Variants in FANCC observed in about 807,000 individuals in gnomAD.
FANCC encodes the protein Fanconi anemia group C protein.
FANCC carries 55 observed loss-of-function variants against 71.3 expected under a neutral mutation model. The observed-to-expected ratio is 0.77, with a 90% CI of 0.62 to 0.97. FANCC has a LOEUF of 0.97. FANCC is among the 50% of genes least tolerant of loss of function. The probability of loss-of-function intolerance (pLI) is 0.00; values close to 1 mark genes in which losing one functional copy is unlikely to be tolerated. For missense variants in FANCC, 678 were observed against 670.9 expected, an observed-to-expected ratio of 1.01 and a Z score of -0.12; for synonymous variants, 275 against 244.9, an observed-to-expected ratio of 1.12 and a Z score of -1.15.
At chr9:95,219,670 A>C (rs916343889) in intron 4 of FANCC, among the ~76,000 whole-genome samples, 1 of 152,244 alleles carries the variant, frequency 6.6e-6, no homozygotes, top group Non-Finnish European at 1.5e-5. Context: ...CATATGTAGA[A>C]AGCTGAAACT....
intron 7 of FANCC, among the ~76,000 whole-genome samples, chr9:95,143,834 G>A (rs749005705): frequency 6.6e-6 from 1 of 152,122 alleles, no homozygotes. Flanking sequence ...TGCCTATGAC[G>A]GCAGCCCCAG....
intron 11 of FANCC, among the ~76,000 whole-genome samples, chr9:95,116,410 C>G (rs907961592): frequency 1.4e-4 from 21 of 152,148 alleles, no homozygotes; most frequent in African/African-American, 4.6e-4. Context: ...CCTACATCTT[C>G]TCGAAAAAGG....
intron 4 of FANCC, among the ~76,000 whole-genome samples, chr9:95,206,611 T>C (rs1273040562): frequency 6.6e-6 from 1 of 152,122 alleles, no homozygotes; most frequent in Admixed American, 6.5e-5. Context: ...AAAATAGATA[T>C]GCCACTCTAA....
chr9:95,101,863 C>T lies in FANCC; in HGVS notation c.1534-13G>A. 1 of 1,613,812 alleles carries T rather than the reference C, an allele frequency of 6.2e-7. No homozygotes were observed. The highest frequency in any genetic ancestry group is 1.3e-5 in the African/African-American group (1 of 75,060). Reference sequence around the variant, plus strand: ...CAGTGTGAGCCATCTGCAATCAGGACAGAAGAGAAGGCAAATTAAAACACT... The same window carrying T: ...CAGTGTGAGCCATCTGCAATCAGGATAGAAGAGAAGGCAAATTAAAACACT... On this transcript the variant is annotated splice_polypyrimidine_tract_variant and intron_variant, in intron 14 of 14. Transcript: ENST00000289081.
chr9:95,148,686 C>T (rs1476347203), intron 7 of FANCC, among the ~76,000 whole-genome samples: 1 of 152,110 alleles, frequency 6.6e-6, no homozygotes, highest in East Asian at 1.9e-4. Flanking sequence ...TGAAGATTTT[C>T]CAAATGAACC....
At chr9:95,103,428 A>G (rs1564636989) in intron 14 of FANCC, among the ~76,000 whole-genome samples, 1 of 152,180 alleles carries the variant, frequency 6.6e-6, no homozygotes, top group Non-Finnish European at 1.5e-5. Context: ...AATCTAGCTA[A>G]CTTTTGCTGT....
chr9:95,198,102 G>C (rs1319838080), intron 4 of FANCC, among the ~76,000 whole-genome samples: 1 of 152,142 alleles, frequency 6.6e-6, no homozygotes, highest in African/African-American at 2.4e-5. Context: ...AGGCCCCTAA[G>C]CCAGCACTCG....
chr9:95,307,965 C>G (rs1835160919), intron 1 of FANCC, among the ~76,000 whole-genome samples: 1 of 152,240 alleles, frequency 6.6e-6, no homozygotes, highest in South Asian at 2.1e-4. Flanking sequence ...AGGCATCACA[C>G]AGCGACAGAG....
At chr9:95,134,781 T>C (rs1323991656) in intron 8 of FANCC, among the ~76,000 whole-genome samples, 1 of 152,200 alleles carries the variant, frequency 6.6e-6, no homozygotes, top group Non-Finnish European at 1.5e-5. Flanking sequence ...GAGGTGGATG[T>C]CCACGTGGGC....
chr9:95,275,228 G>A (rs947123953), intron 1 of FANCC, among the ~76,000 whole-genome samples: 1 of 152,000 alleles, frequency 6.6e-6, no homozygotes, highest in African/African-American at 2.4e-5. Flanking sequence ...ATGTTGCAGT[G>A]AGCTATGATT....
At chr9:95,109,598 T>C (rs2071746563) in intron 13 of FANCC, 1 of 152,210 alleles carries the variant, frequency 6.6e-6, no homozygotes, top group South Asian at 2.1e-4. Flanking sequence ...GGCTTGCCCA[T>C]GAGTGGGACA....
chr9:95,148,527 G>A (rs544826175), intron 7 of FANCC, among the ~76,000 whole-genome samples: 12 of 152,292 alleles, frequency 7.9e-5, no homozygotes, highest in African/African-American at 2.9e-4. Context: ...TTAGAATCTT[G>A]GAAAATCTAT....
chr9:95,217,977 C>T (rs1334912739), intron 4 of FANCC, among the ~76,000 whole-genome samples: 2 of 152,098 alleles, frequency 1.3e-5, no homozygotes, highest in Non-Finnish European at 2.9e-5. Flanking sequence ...TATCAATAAA[C>T]TTGACAACAA....
chr9:95,179,819 T>C (rs899006912), intron 4 of FANCC, among the ~76,000 whole-genome samples: 2 of 152,150 alleles, frequency 1.3e-5, no homozygotes, highest in Non-Finnish European at 2.9e-5. Flanking sequence ...ACATGATGAG[T>C]AGTTGTTGAG....
chr9:95,316,367 C>T (rs909578814), intron 1 of FANCC, among the ~76,000 whole-genome samples: 4 of 152,144 alleles, frequency 2.6e-5, no homozygotes, highest in Admixed American at 2.6e-4. Flanking sequence ...TCCATCTAAG[C>T]TTAGGTAATG....
At chr9:95,203,378 C>A (rs372941491) in intron 4 of FANCC, among the ~76,000 whole-genome samples, 122 of 104,604 alleles carry the variant, frequency 1.2e-3, no homozygotes, top group Non-Finnish European at 1.3e-3. Context: ...GACCCTGTCT[C>A]AAAAAAAAAA....
intron 1 of FANCC, among the ~76,000 whole-genome samples, chr9:95,301,099 C>A (rs1473218401): frequency 6.7e-6 from 1 of 149,894 alleles, no homozygotes; most frequent in Non-Finnish European, 1.5e-5. Flanking sequence ...TCGGTTAAGA[C>A]CACACAAAGA....
chr9:95,269,206 T>G (rs1409369562), intron 1 of FANCC, among the ~76,000 whole-genome samples: 1 of 152,178 alleles, frequency 6.6e-6, no homozygotes, highest in Admixed American at 6.5e-5. Flanking sequence ...AATACTGCCA[T>G]TTCTAGATCC....
chr9:95,224,232 T>C (rs542895547), intron 4 of FANCC, among the ~76,000 whole-genome samples: 10 of 152,308 alleles, frequency 6.6e-5, no homozygotes, highest in African/African-American at 2.2e-4. Context: ...CTCAGAATCA[T>C]AGAATCACAG....
Sources: gnomAD v4.1 joint callset for allele counts (sites outside exome capture counted in the v4.1 genomes callset) on GRCh38, gnomAD v4.1.1 for gene constraint, MANE v1.5 for transcripts, NCBI Gene and HGNC (gene_info 2026-07-23, HGNC 2026-07-21) for gene names.